The following DLGAP2 variants were observed in gnomAD, a reference collection of about 807,000 sequenced individuals.
DLGAP2 encodes disks large-associated protein 2.
A neutral mutation model predicts 100.3 loss-of-function variants in DLGAP2; 26 were observed. That is an observed-to-expected ratio of 0.26 (90% CI 0.19 to 0.36). The LOEUF is 0.36. Among genes scored for constraint, DLGAP2 ranks in the 10% least tolerant of loss-of-function variants. The pLI is 1.00. For synonymous variants in DLGAP2, 886 were observed against 630.1 expected, an observed-to-expected ratio of 1.41 and a Z score of -6.08; for missense variants, 1,858 against 1,453.2, an observed-to-expected ratio of 1.28 and a Z score of -4.53.
At chr8:790,162 A>C (rs1821989883) in intron 1 of DLGAP2, among the ~76,000 whole-genome samples, 1 of 152,172 alleles carries the variant, frequency 6.6e-6, no homozygotes, top group South Asian at 2.1e-4. Context: ...TTTGGATCTC[A>C]TCAGGGATTT....
intron 3 of DLGAP2, chr8:1,381,237 C>G (rs1008220282): frequency 2.0e-5 from 3 of 152,268 alleles, no homozygotes; most frequent in Admixed American, 2.0e-4. Context: ...AACCTCACCA[C>G]CAATTCCATG....
chr8:1,060,880 G>GC (rs1803060988), intron 2 of DLGAP2, among the ~76,000 whole-genome samples: 1 of 152,190 alleles, frequency 6.6e-6, no homozygotes, highest in Non-Finnish European at 1.5e-5. Flanking sequence ...GGTGGGCTCT[G>GC]CCCCCTCACA....
chr8:755,738 T>C (rs1365767522), intron 1 of DLGAP2, among the ~76,000 whole-genome samples: 2 of 152,112 alleles, frequency 1.3e-5, no homozygotes, highest in African/African-American at 4.8e-5. Context: ...GCCCCATGTG[T>C]GTCAGATCCC....
chr8:1,601,606 C>A (rs2130703933), intron 6 of DLGAP2, among the ~76,000 whole-genome samples: 1 of 146,516 alleles, frequency 6.8e-6, no homozygotes, highest in African/African-American at 2.5e-5. Flanking sequence ...ACAGACAGAT[C>A]AGACCGAGTC....
chr8:1,308,117 C>A (rs189284752), intron 3 of DLGAP2, among the ~76,000 whole-genome samples: 1 of 152,222 alleles, frequency 6.6e-6, no homozygotes, highest in Non-Finnish European at 1.5e-5. Flanking sequence ...AGACCTGCAG[C>A]TTTCACCTCA....
At chr8:1,499,823 G>T (rs1563185139) in intron 3 of DLGAP2, among the ~76,000 whole-genome samples, 1 of 152,188 alleles carries the variant, frequency 6.6e-6, no homozygotes, top group African/African-American at 2.4e-5. Context: ...TTCCAAATCT[G>T]TCATCTTCCT....
At chr8:1,167,904 A>G (rs969873248) in intron 2 of DLGAP2, among the ~76,000 whole-genome samples, 2 of 151,840 alleles carry the variant, frequency 1.3e-5, no homozygotes, top group African/African-American at 4.8e-5. Context: ...ATTATACTTT[A>G]AGTTTTAGGG....
chr8:1,436,808 G>C (rs1797645626), intron 3 of DLGAP2, among the ~76,000 whole-genome samples: 1 of 152,072 alleles, frequency 6.6e-6, no homozygotes, highest in African/African-American at 2.4e-5. Context: ...TTCCATTCAT[G>C]GTGAGTGTCC....
chr8:795,318 C>G lies in DLGAP2; in HGVS notation c.18+57493C>G, dbSNP rs748569557. ...ACTGCTGACTCATCAGTGCTGAACT[C>G]AGAGCTGACAGCCCATGGCTCGAGC... On this transcript the variant is annotated intron_variant, in intron 1 of 14. Transcript: ENST00000637795. Among the ~76,000 whole-genome samples, 6 of 152,276 alleles carry G rather than the reference C, an allele frequency of 3.9e-5. No individual in the cohort carries two copies. In the South Asian group the frequency reaches 1.2e-3, roughly 32 times the overall value.
At chr8:1,436,705 C>T (rs927156934) in intron 3 of DLGAP2, among the ~76,000 whole-genome samples, 4 of 152,132 alleles carry the variant, frequency 2.6e-5, no homozygotes, top group African/African-American at 7.2e-5. Context: ...TCTCGGGCCG[C>T]GCATTCACTC....
intron 2 of DLGAP2, among the ~76,000 whole-genome samples, chr8:1,149,772 A>G (rs1175303839): frequency 6.6e-6 from 1 of 151,842 alleles, no homozygotes; most frequent in Non-Finnish European, 1.5e-5. Flanking sequence ...ATTGACCTAG[A>G]TTTATCTTTT....
intron 3 of DLGAP2, among the ~76,000 whole-genome samples, chr8:1,293,083 G>C (rs891712833): frequency 6.6e-6 from 1 of 152,134 alleles, no homozygotes; most frequent in African/African-American, 2.4e-5. Context: ...CACAAGTGGG[G>C]GAGAAAGGGG....
intron 3 of DLGAP2, among the ~76,000 whole-genome samples, chr8:1,495,823 C>G (rs1799528841): frequency 6.6e-6 from 1 of 152,176 alleles, no homozygotes; most frequent in Non-Finnish European, 1.5e-5. Flanking sequence ...CACTAATCAC[C>G]CGGACTCAGC....
intron 1 of DLGAP2, among the ~76,000 whole-genome samples, chr8:852,510 A>G: frequency 6.6e-6 from 1 of 152,204 alleles, no homozygotes; most frequent in Non-Finnish European, 1.5e-5. Context: ...TTTACTCAAG[A>G]TTCTGTGGGT....
chr8:1,411,574 G>A (rs561704649), intron 3 of DLGAP2, among the ~76,000 whole-genome samples: 9 of 152,300 alleles, frequency 5.9e-5, no homozygotes, highest in Non-Finnish European at 7.3e-5. Context: ...CGAGGTAACC[G>A]AAATGCGGAA....
At chr8:1,125,416 T>G (rs1478092541) in intron 2 of DLGAP2, among the ~76,000 whole-genome samples, 9 of 152,244 alleles carry the variant, frequency 5.9e-5, no homozygotes, top group Admixed American at 5.9e-4. Flanking sequence ...GAATTTCCTA[T>G]GATAGCGTGA....
At chr8:1,290,283 C>G (rs1283923948) in intron 3 of DLGAP2, among the ~76,000 whole-genome samples, 1 of 152,232 alleles carries the variant, frequency 6.6e-6, no homozygotes, top group East Asian at 1.9e-4. Flanking sequence ...CGTGGCTACA[C>G]ACGGTGCATC....
chr8:868,707 A>T (rs1431933297), intron 1 of DLGAP2, among the ~76,000 whole-genome samples: 3 of 152,124 alleles, frequency 2.0e-5, no homozygotes, highest in Non-Finnish European at 4.4e-5. Flanking sequence ...GGTGTGTCTG[A>T]GGCGTCTGCA....
At chr8:852,697 CAACGT>C (rs559740266) in intron 1 of DLGAP2, among the ~76,000 whole-genome samples, 398 of 152,284 alleles carry the variant, frequency 2.6e-3, no homozygotes, top group Non-Finnish European at 4.2e-3. Flanking sequence ...TTGGCTACTT[CAACGT>C]TTCTGTAAAG....
Sources: gnomAD v4.1 joint callset for allele counts (sites outside exome capture counted in the v4.1 genomes callset) on GRCh38, gnomAD v4.1.1 for gene constraint, MANE v1.5 for transcripts, NCBI Gene and HGNC (gene_info 2026-07-23, HGNC 2026-07-21) for gene names.